The following GLI3 variants were observed in gnomAD, a reference collection of about 807,000 sequenced individuals.
GLI3 encodes GLI family zinc finger 3.
GLI3 carries 20 observed loss-of-function variants against 100.8 expected under a neutral mutation model. The observed-to-expected ratio is 0.20, with a 90% CI of 0.14 to 0.29. GLI3 has a LOEUF of 0.29. GLI3 is among the 10% of genes least tolerant of loss of function. The pLI is 1.00. For synonymous variants in GLI3, 938 were observed against 860.5 expected (o/e 1.09, Z -1.58); for missense variants, 2,040 against 2,128.5 (o/e 0.96, Z 0.82).
At chr7:42,053,554 T>C (rs1784394700) in intron 4 of GLI3, among the ~76,000 whole-genome samples, 1 of 152,190 alleles carries the variant, frequency 6.6e-6, no homozygotes, top group Non-Finnish European at 1.5e-5. Flanking sequence ...TTGTTAAAAA[T>C]CTTCATTTGA....
chr7:42,170,348 G>A (rs1787343565), intron 2 of GLI3, among the ~76,000 whole-genome samples: 1 of 148,630 alleles, frequency 6.7e-6, no homozygotes, highest in African/African-American at 2.5e-5. Context: ...GTTTTTATCA[G>A]GGCTGTTTCA....
chr7:41,966,542 A>T lies in GLI3; in HGVS notation c.2531T>A (p.Leu844His). 6.2e-7 allele frequency: 1 copy of T among 1,613,912 alleles called. No homozygotes were observed. The highest frequency in any genetic ancestry group is 1.1e-5 in the South Asian group (1 of 91,078). ...GCTGGCGCTGCTGTCCCTTCTGTTG[A>T]GCATGTTCAGCATAGTGACGTCCAC... Reference protein sequence around the residue: ...SGVDVTMLNMLNRRDSSASTI... With the variant: ...SGVDVTMLNMHNRRDSSASTI... Residue 844 changes from leucine to histidine, a missense_variant, in exon 15 of 15, where the codon CTC (leucine) becomes CAC (histidine). By Grantham distance (99) the Leu-to-His change is moderately conservative. This residue lies in a region of GLI3 where 327 missense variants were observed against 338.7 expected (regional missense o/e 0.97). Coordinates refer to ENST00000395925, the MANE Select transcript of GLI3 (RefSeq NM_000168.6). The surrounding 1 kb of genome is among the most constrained non-coding windows in gnomAD (Gnocchi z 5.8).
chr7:42,095,981 C>T (rs1180840097), intron 3 of GLI3, among the ~76,000 whole-genome samples: 1 of 152,152 alleles, frequency 6.6e-6, no homozygotes. Context: ...AGGAGAGACA[C>T]AGGACAACCA....
intron 3 of GLI3, among the ~76,000 whole-genome samples, chr7:42,097,915 G>T (rs1289172091): frequency 6.6e-6 from 1 of 152,116 alleles, no homozygotes; most frequent in African/African-American, 2.4e-5. Flanking sequence ...CTTCCTGTGT[G>T]CCTAGCCCAT....
chr7:42,129,618 G>T (rs916168013), intron 3 of GLI3, among the ~76,000 whole-genome samples: 17 of 152,156 alleles, frequency 1.1e-4, no homozygotes, highest in Non-Finnish European at 2.4e-4. Flanking sequence ...AGACCAGCCT[G>T]GCCAAGATGG....
intron 2 of GLI3, among the ~76,000 whole-genome samples, chr7:42,217,420 G>C (rs773086560): frequency 1.6e-4 from 24 of 152,020 alleles, no homozygotes; most frequent in Admixed American, 5.2e-4. Context: ...TCAGTTAGTT[G>C]GTTTAGAAAC....
chr7:42,203,764 C>T (rs1410924471), intron 2 of GLI3, among the ~76,000 whole-genome samples: 4 of 151,970 alleles, frequency 2.6e-5, no homozygotes, highest in South Asian at 2.1e-4. Context: ...TTTGGGAGGC[C>T]GAGACAGGCA....
chr7:42,260,998 T>C (rs1789131877), intron 1 of GLI3, among the ~76,000 whole-genome samples: 1 of 152,190 alleles, frequency 6.6e-6, no homozygotes, highest in African/African-American at 2.4e-5. Flanking sequence ...CATTCTTGCA[T>C]TGCTATAAAG....
At chr7:42,084,425 T>C (rs1411676762) in intron 3 of GLI3, among the ~76,000 whole-genome samples, 1 of 152,208 alleles carries the variant, frequency 6.6e-6, no homozygotes, top group Non-Finnish European at 1.5e-5. Flanking sequence ...TCTGCATGTT[T>C]CTCCCTTCAA....
At chr7:42,242,450 G>A (rs1339580300), upstream of GLI3, among the ~76,000 whole-genome samples, 1 of 152,184 alleles carries the variant, frequency 6.6e-6, no homozygotes, top group African/African-American at 2.4e-5. Flanking sequence ...TAAAGGAGAG[G>A]ATGTGACATC....
At chr7:42,092,474 C>T (rs1019736376) in intron 3 of GLI3, among the ~76,000 whole-genome samples, 5 of 152,172 alleles carry the variant, frequency 3.3e-5, no homozygotes, top group Non-Finnish European at 5.9e-5. Flanking sequence ...GTGGAGACAA[C>T]GCTGTTCCCA....
chr7:42,005,861 G>A (rs1268616019), intron 10 of GLI3, among the ~76,000 whole-genome samples: 2 of 152,190 alleles, frequency 1.3e-5, no homozygotes, highest in Admixed American at 6.5e-5. Context: ...TTAGTGAGAG[G>A]AGTTGAGGAA....
At chr7:42,174,103 A>G (rs1042788299) in intron 2 of GLI3, among the ~76,000 whole-genome samples, 1 of 152,186 alleles carries the variant, frequency 6.6e-6, no homozygotes, top group Non-Finnish European at 1.5e-5. Flanking sequence ...CATAGGATAA[A>G]AGACTCTCAA....
chr7:42,122,193 A>T (rs981249653), intron 3 of GLI3, among the ~76,000 whole-genome samples: 1 of 146,496 alleles, frequency 6.8e-6, no homozygotes, highest in Non-Finnish European at 1.5e-5. Context: ...ATATATATTA[A>T]TATATGTCAT....
At chr7:42,156,398 T>C (rs1317748615) in intron 2 of GLI3, among the ~76,000 whole-genome samples, 1 of 152,230 alleles carries the variant, frequency 6.6e-6, no homozygotes, top group African/African-American at 2.4e-5. Context: ...ATTTTGCCTT[T>C]TGCTTGGTAG....
At chr7:42,019,934 A>G (rs1788888940) in intron 10 of GLI3, among the ~76,000 whole-genome samples, 1 of 152,228 alleles carries the variant, frequency 6.6e-6, no homozygotes, top group Non-Finnish European at 1.5e-5. Flanking sequence ...TTCTGGTCAC[A>G]GAAGTAAATT....
intron 2 of GLI3, among the ~76,000 whole-genome samples, chr7:42,154,697 C>T (rs1036179459): frequency 3.9e-5 from 6 of 152,112 alleles, no homozygotes; most frequent in East Asian, 1.9e-4. Context: ...TGCAGAATTA[C>T]GCTAGGAAGG....
At chr7:42,080,375 C>A (rs1253531100) in intron 3 of GLI3, among the ~76,000 whole-genome samples, 2 of 152,214 alleles carry the variant, frequency 1.3e-5, no homozygotes, top group African/African-American at 4.8e-5. Flanking sequence ...ATGAATTCTG[C>A]ATTCGAGAAT....
At chr7:42,195,022 C>T (rs1245468123) in intron 2 of GLI3, among the ~76,000 whole-genome samples, 2 of 152,060 alleles carry the variant, frequency 1.3e-5, no homozygotes, top group Admixed American at 6.6e-5. Context: ...CCACCTCGGC[C>T]TCCCAAAGCG....
Sources: allele counts gnomAD v4.1 joint callset (sites outside exome capture counted in the v4.1 genomes callset), GRCh38; gene constraint gnomAD v4.1.1; regional missense constraint gnomAD v4.1.1; non-coding constraint Gnocchi (gnomAD v3.1); transcripts MANE v1.5; gene names NCBI Gene and HGNC (gene_info 2026-07-23, HGNC 2026-07-21).